The following CCDC24 variants were observed in gnomAD, a reference collection of about 807,000 sequenced individuals.
CCDC24 encodes the protein coiled-coil domain-containing protein 24.
Under a neutral mutation model 31.6 loss-of-function variants are expected in CCDC24, and 34 were observed. The observed-to-expected ratio is 1.08, with a 90% confidence interval of 0.82 to 1.43. The LOEUF (loss-of-function observed/expected upper bound fraction) is 1.43, where lower values mean the gene tolerates loss of function less well. Ranked by LOEUF, CCDC24 falls within the 40% of genes most tolerant of loss-of-function variation. The probability of loss-of-function intolerance (pLI) is 0.00; values close to 1 mark genes in which losing one functional copy is unlikely to be tolerated. For synonymous variants in CCDC24, 175 were observed against 157.3 expected (o/e 1.11, Z -0.84); for missense variants, 426 against 391.1 (o/e 1.09, Z -0.75).
At position 43,991,860 on chromosome 1, in the gene CCDC24, A is replaced by ACGG; in HGVS notation, c.-13_-11dup. ...TGCGGCCCGTAGGTCCGAGCCGGGG[A>ACGG]CGGCGGCGTCGGTGGGTCATGCTCC... On this transcript the variant is annotated 5_prime_UTR_variant, in exon 2 of 9. Coordinates refer to ENST00000372318, the MANE Select transcript of CCDC24 (RefSeq NM_152499.4). 1 of 1,548,952 alleles carries ACGG rather than the reference A, an allele frequency of 6.5e-7. No homozygotes were observed. The highest frequency in any genetic ancestry group is 8.7e-7 in the Non-Finnish European group (1 of 1,146,014).
chr1:43,995,622 T>C lies in CCDC24; in HGVS notation c.574T>C (p.Leu192=). The stretch of plus-strand genomic sequence containing the variant: ...GCAGCGCTGCCTGGAAGAGGAGTAT[T>C]TGAGGCCTTGCCACCCCTCTGAGGC... ...ILQRCLEEEY[L]RPCHPSEAAL... is the part of the protein sequence containing the mutation. The change falls in exon 7 of 9, where the codon TTG becomes CTG. Residue 192 remains leucine, a synonymous_variant. Transcript: ENST00000372318. This position sits in a 1 kb window ranked among gnomAD's most constrained non-coding sequence, Gnocchi z 4.3. 1 of 1,611,864 alleles carries C rather than the reference T, an allele frequency of 6.2e-7. No homozygotes were observed. Among genetic ancestry groups the C allele is most frequent in the Non-Finnish European group, 8.5e-7 (1 of 1,178,936 alleles).
chr1:43,995,443 C>T lies in CCDC24; in HGVS notation c.553-158C>T. On this transcript the variant is annotated intron_variant, in intron 6 of 8. Transcript: ENST00000372318. The surrounding 1 kb of genome is among the most constrained non-coding windows in gnomAD (Gnocchi z 4.3). ...CCCACCACTATCTTGCCAAACTCAG[C>T]TCTTCCGCAAGGCTGGTATTCCCTG... is the stretch of plus-strand genomic sequence containing the variant. 1.2e-6 allele frequency: 1 copy of T among 841,484 alleles called. No homozygotes were observed. The highest frequency in any genetic ancestry group is 1.8e-6 in the Non-Finnish European group (1 of 550,740). The allele number at this position is 841,484 out of a possible 1,614,324, so 52.1% of individuals were successfully genotyped here. A position where few individuals can be genotyped will look rare whatever the true frequency, so the allele number is the denominator to read the frequency against.
rs768760284 is a variant in CCDC24, at chr1:43,995,979, C to T, written c.743C>T (p.Pro248Leu). 70 of 1,614,098 alleles carry T rather than the reference C, an allele frequency of 4.3e-5. No homozygotes were observed. The highest frequency in any genetic ancestry group is 3.3e-4 in the Middle Eastern group (2 of 6,084). The change falls in exon 9 of 9, where the codon CCG becomes CTG. Residue 248 changes from proline (P) to leucine (L), a missense_variant. Coordinates refer to ENST00000372318, the MANE Select transcript of CCDC24 (RefSeq NM_152499.4). The surrounding 1 kb of genome is among the most constrained non-coding windows in gnomAD (Gnocchi z 4.3). ...TCCTCCACACAGGGCCTCAGACCCC[C>T]GCTTCCCCTCTGCGGGGTTGCACCT... is the stretch of plus-strand genomic sequence containing the variant. ...LGSSTQGLRP[P>L]LPLCGVAPLQ...
Position 43,995,275 on chromosome 1 carries a change from G to A in CCDC24, c.552+113G>A. 1 of 1,088,022 alleles carries A rather than the reference G, an allele frequency of 9.2e-7. No individual in the cohort carries two copies. Among genetic ancestry groups the A allele is most frequent in the Non-Finnish European group, 1.3e-6 (1 of 745,110 alleles). The allele number at this position is 1,088,022 out of a possible 1,614,324, so 67.4% of individuals were successfully genotyped here. On this transcript the variant is annotated intron_variant, in intron 6 of 8. Coordinates refer to ENST00000372318, the MANE Select transcript of CCDC24 (RefSeq NM_152499.4). This position sits in a 1 kb window ranked among gnomAD's most constrained non-coding sequence, Gnocchi z 4.3. ...ATAGGTGCATGTACAGGCTATGTGA[G>A]TCCTGCATCCATTTCTCAGGGGTGC...
In CCDC24 at chr1:43,995,572, T is replaced by C. The variant is rs1357387392; in HGVS notation, c.553-29T>C. 6.3e-7 allele frequency: 1 copy of C among 1,579,198 alleles called. No homozygotes were observed. The highest frequency in any genetic ancestry group is 8.6e-7 in the Non-Finnish European group (1 of 1,160,106). On this transcript the variant is annotated intron_variant, in intron 6 of 8. Coordinates refer to ENST00000372318, the MANE Select transcript of CCDC24 (RefSeq NM_152499.4). This position sits in a 1 kb window ranked among gnomAD's most constrained non-coding sequence, Gnocchi z 4.3. Reference sequence around the variant, plus strand: ...TGCCTTGCCCCACCCCTGCCTTGAGTCTGGGCACTGACGCAGCTCTCCCTG... The same window carrying C: ...TGCCTTGCCCCACCCCTGCCTTGAGCCTGGGCACTGACGCAGCTCTCCCTG...
chr1:43,995,871 T>C lies in CCDC24; in HGVS notation c.701+15T>C. ...CCCAACCACAGGTAAACCACAACAG[T>C]AGACACAGGGCAGGGTGGACTGAAG... On this transcript the variant is annotated intron_variant, in intron 8 of 8. Transcript: ENST00000372318. This position sits in a 1 kb window ranked among gnomAD's most constrained non-coding sequence, Gnocchi z 4.3. The C allele has an allele frequency of 6.2e-7, 1 of 1,614,110 alleles. No homozygotes were observed. The highest frequency in any genetic ancestry group is 8.5e-7 in the Non-Finnish European group (1 of 1,179,976).
At position 43,993,817 on chromosome 1, in the gene CCDC24, G is replaced by A. The variant is rs2085784774; in HGVS notation, c.420-70G>A. The A allele has an allele frequency of 4.3e-6, 6 of 1,401,174 alleles. No individual in the cohort carries two copies. In the Admixed American group the frequency reaches 8.5e-5, roughly 20 times the overall value. The allele number at this position is 1,401,174 out of a possible 1,614,324, so 86.8% of individuals were successfully genotyped here. A position where few individuals can be genotyped will look rare whatever the true frequency, so the allele number is the denominator to read the frequency against. ...TTGTGAGAAAAGAAACAGTTGCCTA[G>A]AAGTGATATTTGGGTCCTGAAGGCC... On this transcript the variant is annotated intron_variant, in intron 4 of 8. Transcript: ENST00000372318.
chr1:43,992,415 C>T, intron 3 of CCDC24, 28 bp downstream of exon 3: 1 of 1,613,574 alleles, frequency 6.2e-7, no homozygotes. Context: ...GGGCCCTTTC[C>T]CTAGATACCA....
At position 43,995,422 on chromosome 1, in the gene CCDC24, C is replaced by A; in HGVS notation, c.553-179C>A. The A allele has an allele frequency of 1.3e-6, 1 of 751,768 alleles. No homozygotes were observed. Among genetic ancestry groups the A allele is most frequent in the Non-Finnish European group, 2.1e-6 (1 of 471,808 alleles). 46.6% of individuals were successfully genotyped at this position (751,768 alleles called of 1,614,324 possible). ...TACCTAAGTCTGGGTACAGGCCCCA[C>A]CACTATCTTGCCAAACTCAGCTCTT... On this transcript the variant is annotated intron_variant, in intron 6 of 8. Transcript: ENST00000372318. The surrounding 1 kb of genome is among the most constrained non-coding windows in gnomAD (Gnocchi z 4.3).
chr1:43,995,627 G>A lies in CCDC24; in HGVS notation c.579G>A (p.Arg193=). 1 of 1,612,194 alleles carries A rather than the reference G, an allele frequency of 6.2e-7. No individual in the cohort carries two copies. Among genetic ancestry groups the A allele is most frequent in the Non-Finnish European group, 8.5e-7 (1 of 1,179,106 alleles). Residue 193 remains arginine, a synonymous_variant, in exon 7 of 9, where the codon AGG becomes AGA. Coordinates refer to ENST00000372318, the MANE Select transcript of CCDC24 (RefSeq NM_152499.4). This position sits in a 1 kb window ranked among gnomAD's most constrained non-coding sequence, Gnocchi z 4.3. ...LQRCLEEEYL[R]PCHPSEAALE... ...GCTGCCTGGAAGAGGAGTATTTGAG[G>A]CCTTGCCACCCCTCTGAGGCAGCCC...
At chr1:43,994,446 T>TTTCTTTCTTTCTTTC (rs1557657718) in intron 5 of CCDC24, 15 of 15,192 alleles carry the variant, frequency 9.9e-4, no homozygotes, top group African/African-American at 5.2e-3. Context: ...TTCTTTCTTT[T>TTTCTTTCTTTCTTTC]TTTTTTTTTT....
At chr1:43,994,565 C>T (rs545473638) in intron 5 of CCDC24, 36 of 158,898 alleles carry the variant, frequency 2.3e-4, no homozygotes, top group Non-Finnish European at 3.8e-4. Flanking sequence ...CTAAGCCTCC[C>T]GAGTAGCTGG....
chr1:43,996,094 G>T lies in CCDC24; in HGVS notation c.858G>T (p.Gln286His), dbSNP rs530272003. The change falls in exon 9 of 9, where the codon CAG becomes CAT. Residue 286 changes from glutamine (Q) to histidine (H), a missense_variant. By Grantham distance (24) the Gln-to-His change is conservative. Coordinates refer to ENST00000372318, the MANE Select transcript of CCDC24 (RefSeq NM_152499.4). Reference protein sequence around the residue: ...SATHRWGRQLQCSPREGPAST... With the variant: ...SATHRWGRQLHCSPREGPAST... The stretch of plus-strand genomic sequence containing the variant: ...CCCACCGCTGGGGACGGCAGCTTCA[G>T]TGCAGCCCCAGGGAAGGGCCAGCTT... 2 of 1,613,906 alleles carry T rather than the reference G, an allele frequency of 1.2e-6. No individual in the cohort carries two copies. Among genetic ancestry groups the T allele is most frequent in the South Asian group, 2.2e-5 (2 of 91,058 alleles).
Position 43,995,763 on chromosome 1 carries a change from C to T in CCDC24, c.623-15C>T, listed in dbSNP as rs2085834859. On this transcript the variant is annotated splice_polypyrimidine_tract_variant and intron_variant, in intron 7 of 8. Coordinates refer to ENST00000372318, the MANE Select transcript of CCDC24 (RefSeq NM_152499.4). This position sits in a 1 kb window ranked among gnomAD's most constrained non-coding sequence, Gnocchi z 4.3. Reference sequence around the variant, plus strand: ...AGAAGAGCTGGGCACTGTCTCAGCCCAATCTCTCCTTCAGAGCTAAAGGAA... The same window carrying T: ...AGAAGAGCTGGGCACTGTCTCAGCCTAATCTCTCCTTCAGAGCTAAAGGAA... 1 of 1,614,072 alleles carries T rather than the reference C, an allele frequency of 6.2e-7. No homozygotes were observed. Among genetic ancestry groups the T allele is most frequent in the Admixed American group, 1.7e-5 (1 of 60,004 alleles).
intron 2 of CCDC24, 78 bp downstream of exon 2, chr1:43,992,082 C>T (rs2085755196): frequency 2.7e-6 from 4 of 1,495,742 alleles, no homozygotes; most frequent in Non-Finnish European, 2.7e-6. Flanking sequence ...GGGTCCCTGG[C>T]CCTGCCGGGT....
At chr1:43,994,811 G>T in intron 5 of CCDC24, 1 of 486,044 alleles carries the variant, frequency 2.1e-6, no homozygotes, top group South Asian at 3.2e-5. Flanking sequence ...CAGCGGAAGG[G>T]CTGTGATGTG....
At position 43,996,431 on chromosome 1, in the gene CCDC24, T is replaced by G; in HGVS notation, c.*271T>G. The G allele has an allele frequency of 4.7e-6, 2 of 429,886 alleles. No individual in the cohort carries two copies. Among genetic ancestry groups the G allele is most frequent in the Non-Finnish European group, 8.2e-6 (2 of 242,426 alleles). 26.6% of individuals were successfully genotyped at this position (429,886 alleles called of 1,614,324 possible). A position where few individuals can be genotyped will look rare whatever the true frequency, so the allele number is the denominator to read the frequency against. ...AAAGGCCTGGCAGACAGAGGTCTCA[T>G]TCCAGCCTGACTCTTGTCCCCTGGG... is the stretch of plus-strand genomic sequence containing the variant. On this transcript the variant is annotated 3_prime_UTR_variant, in exon 9 of 9. Transcript: ENST00000372318.
At chr1:43,994,195 C>T (rs1293416527) in intron 5 of CCDC24, 8 of 497,420 alleles carry the variant, frequency 1.6e-5, no homozygotes, top group Non-Finnish European at 2.9e-5. Context: ...CCTATAATCC[C>T]AGCAATTTGG....
rs764735746 is a variant in CCDC24, at chr1:43,995,789, CAGA to C, written c.640_642del (p.Lys214del). ...AATCTCTCCTTCAGAGCTAAAGGAA[CAGA>C]AGAAGGCCATGGAGCAGGAGCTGCA... On this transcript the variant is annotated inframe_deletion, in exon 8 of 9. Transcript: ENST00000372318. This position sits in a 1 kb window ranked among gnomAD's most constrained non-coding sequence, Gnocchi z 4.3. 8.7e-6 allele frequency: 14 copies of C among 1,614,112 alleles called. No homozygotes were observed. The highest frequency in any genetic ancestry group is 1.6e-4 in the Middle Eastern group (1 of 6,084).
Sources: gnomAD v4.1 joint callset for allele counts on GRCh38, gnomAD v4.1.1 for gene constraint, Gnocchi (gnomAD v3.1) non-coding constraint, MANE v1.5 for transcripts, NCBI Gene and HGNC (gene_info 2026-07-23, HGNC 2026-07-21) for gene names.